ATG10: variants seen among roughly 807,000 people sequenced by gnomAD.
The protein encoded by ATG10 is autophagy related 10.
A neutral mutation model predicts 32.1 loss-of-function variants in ATG10; 30 were observed. The observed-to-expected ratio is 0.94, with a 90% CI of 0.70 to 1.27. The LOEUF (loss-of-function observed/expected upper bound fraction) is 1.27. ATG10 is among the 50% of genes most tolerant of loss of function. The pLI is 0.00. For missense variants in ATG10, 233 were observed against 262.3 expected (o/e 0.89, Z 0.77); for synonymous variants, 87 against 91.5 (o/e 0.95, Z 0.28).
At chr5:82,120,110 T>C (rs1273242206) in intron 3 of ATG10, among the ~76,000 whole-genome samples, 1 of 152,164 alleles carries the variant, frequency 6.6e-6, no homozygotes, top group Non-Finnish European at 1.5e-5. Context: ...TGGACTTCCT[T>C]GTAAATATAC....
intron 3 of ATG10, chr5:82,073,004 T>C (rs1443115801): frequency 2.0e-5 from 3 of 152,202 alleles, no homozygotes; most frequent in Admixed American, 2.0e-4. Flanking sequence ...TTCTGACTTG[T>C]CTGAGAAGGG....
chr5:81,984,856 A>T (rs1761207392), intron 1 of ATG10, among the ~76,000 whole-genome samples: 1 of 152,230 alleles, frequency 6.6e-6, no homozygotes, highest in South Asian at 2.1e-4. Context: ...ATTCCATGAT[A>T]TTTCATTATG....
intron 3 of ATG10, among the ~76,000 whole-genome samples, chr5:82,066,641 C>G (rs965702889): frequency 2.0e-5 from 3 of 152,050 alleles, no homozygotes; most frequent in African/African-American, 7.2e-5. Context: ...AACTGAGAAT[C>G]AGTAACAGGA....
intron 2 of ATG10, among the ~76,000 whole-genome samples, chr5:82,017,885 C>T (rs942417308): frequency 2.0e-5 from 3 of 152,080 alleles, no homozygotes; most frequent in African/African-American, 7.2e-5. Context: ...TATTCCTTTT[C>T]AGTCTCCTTT....
At chr5:82,172,674 CT>C (rs1743851611) in intron 4 of ATG10, among the ~76,000 whole-genome samples, 4 of 152,126 alleles carry the variant, frequency 2.6e-5, no homozygotes, top group Admixed American at 2.6e-4. Context: ...CTACATGACA[CT>C]TTCATTCAAA....
rs190572041 is a variant in ATG10 at position 82,098,760 on chromosome 5, C to T, written c.216+40158C>T. Among the ~76,000 whole-genome samples the T allele has an allele frequency of 5.7e-3, 868 of 152,278 alleles. 3 individuals are homozygous for T. Among genetic ancestry groups the T allele is most frequent in the Non-Finnish European group, 8.7e-3 (593 of 68,020 alleles). Reference sequence around the variant, plus strand: ...ATTGACTAAGATTTGGAGAAACAGTCATAGCTGCTGGAACAATGTGAGTTC... The same window carrying T: ...ATTGACTAAGATTTGGAGAAACAGTTATAGCTGCTGGAACAATGTGAGTTC... On this transcript the variant is annotated intron_variant, in intron 3 of 7. Transcript: ENST00000282185.
intron 3 of ATG10, among the ~76,000 whole-genome samples, chr5:82,068,919 T>C (rs973625528): frequency 2.7e-5 from 4 of 150,868 alleles, no homozygotes; most frequent in Admixed American, 2.0e-4. Flanking sequence ...TTCTGCCCCT[T>C]TGATTTTTTT....
intron 5 of ATG10, among the ~76,000 whole-genome samples, chr5:82,249,259 A>G (rs536142023): frequency 3.5e-4 from 53 of 152,176 alleles, no homozygotes; most frequent in Non-Finnish European, 6.5e-4. Flanking sequence ...TGATAGTTCT[A>G]GTTGCCATAT....
At chr5:82,178,324 C>G (rs1744108754) in intron 4 of ATG10, among the ~76,000 whole-genome samples, 166 bp from the exon 5 acceptor site, 1 of 152,128 alleles carries the variant, frequency 6.6e-6, no homozygotes, top group South Asian at 2.1e-4. Context: ...AAATTTCCCT[C>G]AGGAAGAAAA....
chr5:82,059,252 A>G (rs1188553516), intron 3 of ATG10, among the ~76,000 whole-genome samples: 2 of 152,098 alleles, frequency 1.3e-5, no homozygotes, highest in Non-Finnish European at 2.9e-5. Context: ...TTTCTTGTGA[A>G]AAAAATTGTA....
intron 2 of ATG10, among the ~76,000 whole-genome samples, chr5:81,989,540 T>C (rs1761392977): frequency 6.6e-6 from 1 of 152,216 alleles, no homozygotes; most frequent in Non-Finnish European, 1.5e-5. Context: ...GTGACTGTGC[T>C]AGCAACTTTC....
intron 3 of ATG10, among the ~76,000 whole-genome samples, chr5:82,086,606 A>G (rs1445792991): frequency 6.6e-6 from 1 of 152,172 alleles, no homozygotes. Flanking sequence ...TCTAGAGCAC[A>G]TAGTTCAAGA....
intron 5 of ATG10, among the ~76,000 whole-genome samples, chr5:82,242,455 C>A (rs1746842551): frequency 6.6e-6 from 1 of 151,998 alleles, no homozygotes. Context: ...AGGCAATATT[C>A]AAAGAGCTGA....
chr5:82,034,011 CTATA>C (rs892531300), intron 2 of ATG10, among the ~76,000 whole-genome samples: 1 of 146,208 alleles, frequency 6.8e-6, no homozygotes, highest in East Asian at 2.0e-4. Context: ...TATATATGTA[CTATA>C]TATATACATA....
At position 82,094,271 on chromosome 5, in the gene ATG10, A is replaced by G. The variant is rs78400260; in HGVS notation, c.216+35669A>G. On this transcript the variant is annotated intron_variant, in intron 3 of 7. Transcript: ENST00000282185. The stretch of plus-strand genomic sequence containing the variant: ...ATGTTTTGAAAAATTATTCTTTCAT[A>G]TATTTTGTACAGTTTTTTAGTTGTT... Among the ~76,000 whole-genome samples, 887 of 152,204 alleles carry G rather than the reference A, an allele frequency of 5.8e-3. 7 individuals are homozygous for G. The highest frequency in any genetic ancestry group is 0.02 in the African/African-American group (831 of 41,538).
chr5:82,178,638 G>A (rs754351024), intron 5 of ATG10, 51 bp downstream of exon 5: 33 of 1,219,390 alleles, frequency 2.7e-5, no homozygotes, highest in African/African-American at 4.5e-5. Context: ...ATTCTTTCCC[G>A]CTGCTCATCT....
intron 2 of ATG10, among the ~76,000 whole-genome samples, chr5:82,056,091 T>C (rs1561276491): frequency 6.6e-6 from 1 of 152,208 alleles, no homozygotes; most frequent in Non-Finnish European, 1.5e-5. Flanking sequence ...AAGTGATGCA[T>C]GACTGTATAT....
At chr5:81,974,385 C>A (rs1760812812) in intron 1 of ATG10, among the ~76,000 whole-genome samples, 1 of 152,162 alleles carries the variant, frequency 6.6e-6, no homozygotes, top group African/African-American at 2.4e-5. Context: ...ACTGCAGAGA[C>A]AAGACTTCTC....
intron 5 of ATG10, among the ~76,000 whole-genome samples, chr5:82,246,725 A>C (rs530420438): frequency 6.6e-6 from 1 of 152,172 alleles, no homozygotes; most frequent in Non-Finnish European, 1.5e-5. Context: ...AGAAAAGAGA[A>C]AGTACTTAGT....
Sources: allele counts gnomAD v4.1 joint callset (sites outside exome capture counted in the v4.1 genomes callset), GRCh38; gene constraint gnomAD v4.1.1; transcripts MANE v1.5; gene names NCBI Gene and HGNC (gene_info 2026-07-23, HGNC 2026-07-21).